The following ST3GAL2 variants were observed in gnomAD, a reference collection of about 807,000 sequenced individuals.
The protein encoded by ST3GAL2 is CMP-N-acetylneuraminate-beta-galactosamide-alpha-2,3-sialyltransferase 2.
In ST3GAL2, 16 loss-of-function variants were observed where a neutral mutation model predicts 37.5. The observed-to-expected ratio is 0.43, with a 90% CI of 0.29 to 0.65. The LOEUF is 0.65. Ranked by LOEUF, ST3GAL2 falls within the 30% of genes least tolerant of loss-of-function variation. ST3GAL2 has a pLI of 0.17. For synonymous variants in ST3GAL2, 238 were observed against 202.9 expected (o/e 1.17, Z -1.47); for missense variants, 383 against 487.8 (o/e 0.79, Z 2.02).
At chr16:70,425,663 G>A (rs1202877931) in intron 1 of ST3GAL2, among the ~76,000 whole-genome samples, 1 of 151,774 alleles carries the variant, frequency 6.6e-6, no homozygotes, top group Non-Finnish European at 1.5e-5. Flanking sequence ...AAGCTGCAGT[G>A]AACCGAGACC....
intron 1 of ST3GAL2, among the ~76,000 whole-genome samples, chr16:70,413,753 A>C (rs1217397627): frequency 2.1e-5 from 2 of 93,038 alleles, no homozygotes; most frequent in African/African-American, 5.9e-5. Context: ...GAAAATAATA[A>C]ATAAATAAAT....
Position 70,380,657 on chromosome 16 carries a change from A to G in ST3GAL2, c.*1032T>C, listed in dbSNP as rs952890231. 6.6e-6 allele frequency: 1 copy of G among 152,412 alleles called. No homozygotes were observed. Among genetic ancestry groups the G allele is most frequent in the African/African-American group, 2.4e-5 (1 of 41,478 alleles). 9.4% of individuals were successfully genotyped at this position (152,412 alleles called of 1,614,324 possible). A position where few individuals can be genotyped will look rare whatever the true frequency, so the allele number is the denominator to read the frequency against. ...CGAGCTCTGCCAGCTCAGAATTTGC[A>G]AAGAATCTGCGGTTTGGCCACCCAC... On this transcript the variant is annotated 3_prime_UTR_variant, in exon 7 of 7. Transcript: ENST00000342907.
intron 1 of ST3GAL2, among the ~76,000 whole-genome samples, chr16:70,407,573 C>T (rs1422370088): frequency 6.6e-6 from 1 of 152,184 alleles, no homozygotes; most frequent in Non-Finnish European, 1.5e-5. Context: ...AGCCAGGATC[C>T]AGAGGTCAGG....
intron 1 of ST3GAL2, among the ~76,000 whole-genome samples, chr16:70,426,507 G>A (rs918862108): frequency 6.8e-6 from 1 of 146,170 alleles, no homozygotes; most frequent in African/African-American, 2.6e-5. Context: ...GCCCTCAGAA[G>A]TGTTTTTCTT....
intron 6 of ST3GAL2, among the ~76,000 whole-genome samples, chr16:70,382,233 G>A (rs1026539757): frequency 2.6e-5 from 4 of 151,956 alleles, no homozygotes; most frequent in African/African-American, 9.7e-5. Flanking sequence ...GGTGGGGGCA[G>A]TCGTCCAGCT....
At chr16:70,412,593 G>GT (rs2047646679) in intron 1 of ST3GAL2, among the ~76,000 whole-genome samples, 1 of 152,194 alleles carries the variant, frequency 6.6e-6, no homozygotes, top group East Asian at 1.9e-4. Context: ...ACAGTGAACC[G>GT]TGATTACGCC....
chr16:70,413,145 G>A (rs1597569971), intron 1 of ST3GAL2, among the ~76,000 whole-genome samples: 1 of 152,246 alleles, frequency 6.6e-6, no homozygotes, highest in East Asian at 1.9e-4. Context: ...AGCTACTCGG[G>A]AGGCTGAGAC....
rs2047344496 is a variant in ST3GAL2, at chr16:70,376,179, A to G, written c.*5510T>C. On this transcript the variant is annotated 3_prime_UTR_variant, in exon 7 of 7. Coordinates refer to ENST00000342907, the MANE Select transcript of ST3GAL2 (RefSeq NM_006927.4). ...GGTCCCCTTTACCCATTCCATGACA[A>G]ATGGTAGGCAAAAAAAGATATCGCA... is the stretch of plus-strand genomic sequence containing the variant. 6.6e-6 allele frequency: 1 copy of G among 152,132 alleles called. No homozygotes were observed. The highest frequency in any genetic ancestry group is 6.5e-5 in the Admixed American group (1 of 15,270). 9.4% of individuals were successfully genotyped at this position (152,132 alleles called of 1,614,324 possible).
chr16:70,409,114 TCTACA>T (rs1567672626), intron 1 of ST3GAL2, among the ~76,000 whole-genome samples: 1 of 151,744 alleles, frequency 6.6e-6, no homozygotes, highest in Non-Finnish European at 1.5e-5. Context: ...GCTGTACCTA[TCTACA>T]CTAAGGCATG....
Position 70,398,197 on chromosome 16 carries a change from A to G in ST3GAL2, c.334T>C (p.Trp112Arg). The G allele has an allele frequency of 6.2e-7, 1 of 1,611,030 alleles. No individual in the cohort carries two copies. The highest frequency in any genetic ancestry group is 8.5e-7 in the Non-Finnish European group (1 of 1,178,218). ...AAGGGAGCAGCAGCTCTTACCATCC[A>G]CCACCTCTGGACGTCCGGTGGAAGA... ...MDLPPDVQRW[W>R]MMLQPQFKSH... Residue 112 changes from tryptophan to arginine, a missense_variant, in exon 2 of 7, where the codon TGG becomes CGG. Trp to Arg is a moderately radical substitution (Grantham distance 101, BLOSUM62 -3). Coordinates refer to ENST00000342907, the MANE Select transcript of ST3GAL2 (RefSeq NM_006927.4).
chr16:70,385,642 C>T (rs1476859530), intron 4 of ST3GAL2, among the ~76,000 whole-genome samples: 1 of 146,108 alleles, frequency 6.8e-6, no homozygotes, highest in Non-Finnish European at 1.5e-5. Context: ...CTTAGGGATC[C>T]GGGGGTATCT....
chr16:70,395,556 C>A (rs555222056), intron 2 of ST3GAL2, among the ~76,000 whole-genome samples: 1 of 152,318 alleles, frequency 6.6e-6, no homozygotes, highest in Admixed American at 6.5e-5. Flanking sequence ...CTACAGGGGG[C>A]GCCCCTGGCA....
Position 70,381,723 on chromosome 16 carries a change from T to C in ST3GAL2, c.1019A>G (p.Lys340Arg). 6.2e-7 allele frequency: 1 copy of C among 1,614,026 alleles called. No homozygotes were observed. Among genetic ancestry groups the C allele is most frequent in the Non-Finnish European group, 8.5e-7 (1 of 1,179,944 alleles). The change falls in exon 7 of 7, where the codon AAG becomes AGG. Residue 340 changes from lysine to arginine, a missense_variant. By Grantham distance (26) the Lys-to-Arg change is conservative. Around this residue, in one of 2 missense-constraint regions of ST3GAL2, gnomAD observed 160 missense variants for 248.6 expected, o/e 0.64. Coordinates refer to ENST00000342907, the MANE Select transcript of ST3GAL2 (RefSeq NM_006927.4). ...FEAHIIDMLA[K>R]ASKIEVYRGN ...CCGGTAGACTTCGATCTTGCTGGCC[T>C]TGGCCAGCATGTCGATGATGTGGGC...
intron 1 of ST3GAL2, among the ~76,000 whole-genome samples, chr16:70,406,338 C>G (rs1478045515): frequency 6.6e-6 from 1 of 151,988 alleles, no homozygotes; most frequent in East Asian, 1.9e-4. Flanking sequence ...GAAACCCCAT[C>G]TCTACTAAAA....
chr16:70,397,703 G>A (rs1326691944), intron 2 of ST3GAL2, among the ~76,000 whole-genome samples: 5 of 152,050 alleles, frequency 3.3e-5, no homozygotes. Context: ...TCCAGCCTGG[G>A]CGACAGAATG....
intron 1 of ST3GAL2, among the ~76,000 whole-genome samples, chr16:70,430,316 C>A (rs1369716658): frequency 2.0e-5 from 3 of 152,252 alleles, no homozygotes; most frequent in African/African-American, 7.2e-5. Flanking sequence ...CAGCTGGGCA[C>A]TGCCACTTGA....
intron 3 of ST3GAL2, among the ~76,000 whole-genome samples, chr16:70,391,692 A>G (rs2047483245): frequency 1.3e-5 from 2 of 152,178 alleles, no homozygotes; most frequent in South Asian, 4.1e-4. Context: ...AGGGGTAGGC[A>G]GGGGGTAGAG....
Position 70,436,620 on chromosome 16 carries a change from T to TCA in ST3GAL2, c.-1004+2327_-1004+2328dup, listed in dbSNP as rs562075663. On this transcript the variant is annotated intron_variant, in intron 1 of 6. Coordinates refer to ENST00000342907, the MANE Select transcript of ST3GAL2 (RefSeq NM_006927.4). ...TAAACCATAAAACTCTGGAGTCCCC[T>TCA]CACACACACACAATCTGTGCCTTAA... 3.4e-3 allele frequency among the ~76,000 whole-genome samples: 516 copies of TCA among 151,828 alleles called. 6 individuals carry two copies. Among genetic ancestry groups the TCA allele is most frequent in the African/African-American group, 0.012 (479 of 41,420 alleles).
intron 1 of ST3GAL2, among the ~76,000 whole-genome samples, chr16:70,436,436 G>A (rs1418527103): frequency 2.1e-5 from 3 of 143,934 alleles, no homozygotes; most frequent in Non-Finnish European, 4.5e-5. Context: ...GGGCAACAGA[G>A]TGAGACTTCG....
Sources: gnomAD v4.1 joint callset for allele counts (sites outside exome capture counted in the v4.1 genomes callset) on GRCh38, gnomAD v4.1.1 for gene constraint, gnomAD v4.1.1 regional missense constraint, MANE v1.5 for transcripts, NCBI Gene and HGNC (gene_info 2026-07-23, HGNC 2026-07-21) for gene names.